Variants in SRGAP3 observed in about 807,000 individuals in gnomAD.
SRGAP3 encodes SLIT-ROBO Rho GTPase-activating protein 3.
A neutral mutation model predicts 121.1 loss-of-function variants in SRGAP3; 39 were observed. The ratio of observed to expected loss-of-function variants is 0.32; its 90% CI spans 0.25 to 0.42. SRGAP3 has a LOEUF of 0.42. Among genes scored for constraint, SRGAP3 ranks in the 10% least tolerant of loss-of-function variants. The pLI is 1.00. For synonymous variants in SRGAP3, 601 were observed against 570.0 expected (o/e 1.05, Z -0.77); for missense variants, 1,213 against 1,470.6 (o/e 0.82, Z 2.86).
At chr3:9,163,785 A>T (rs914633417) in intron 1 of SRGAP3, among the ~76,000 whole-genome samples, 4 of 152,072 alleles carry the variant, frequency 2.6e-5, no homozygotes, top group Non-Finnish European at 4.4e-5. Context: ...GGTGGGAAAC[A>T]TCCCTATAGG....
intron 1 of SRGAP3, among the ~76,000 whole-genome samples, chr3:9,334,805 A>G (rs1008834988): frequency 2.0e-5 from 3 of 152,216 alleles, no homozygotes; most frequent in Admixed American, 6.5e-5. Context: ...CTCTGCTACT[A>G]CGTGGCTCTA....
At chr3:9,074,310 A>G (rs564338181) in intron 4 of SRGAP3, among the ~76,000 whole-genome samples, 1 of 152,298 alleles carries the variant, frequency 6.6e-6, no homozygotes, top group South Asian at 2.1e-4. Context: ...GCACTGGGCT[A>G]TACTCTATGA....
intron 3 of SRGAP3, among the ~76,000 whole-genome samples, chr3:9,310,604 T>G (rs1485486950): frequency 2.6e-5 from 4 of 152,120 alleles, no homozygotes; most frequent in African/African-American, 4.8e-5. Flanking sequence ...TGATATAAGG[T>G]TACAAGGTCT....
In SRGAP3 at chr3:8,981,379, G is replaced by C. The variant is rs1327329179; in HGVS notation, c.*4140C>G. On this transcript the variant is annotated 3_prime_UTR_variant, in exon 22 of 22. Coordinates refer to ENST00000383836, the MANE Select transcript of SRGAP3 (RefSeq NM_014850.4). ...GCAGGGGCTAACCCCATGGTTGTGA[G>C]CCAGCCACTCTTCTTTCTGGGTTTC... 2 of 232,586 alleles carry C rather than the reference G, an allele frequency of 8.6e-6. No individual in the cohort carries two copies. Among genetic ancestry groups the C allele is most frequent in the East Asian group, 1.2e-4 (2 of 16,512 alleles). 14.4% of individuals were successfully genotyped at this position (232,586 alleles called of 1,614,324 possible). A position where few individuals can be genotyped will look rare whatever the true frequency, so the allele number is the denominator to read the frequency against.
At chr3:9,062,338 C>T (rs1480120330) in intron 5 of SRGAP3, among the ~76,000 whole-genome samples, 2 of 152,174 alleles carry the variant, frequency 1.3e-5, no homozygotes, top group Non-Finnish European at 2.9e-5. Flanking sequence ...CTCTGGACTT[C>T]CAGTCAGCAC....
In SRGAP3 at chr3:9,239,379, C is replaced by CA. The variant is rs964751433; in HGVS notation, c.67+9505dup. Among the ~76,000 whole-genome samples, 1 of 151,902 alleles carries CA rather than the reference C, an allele frequency of 6.6e-6. No individual in the cohort carries two copies. Among genetic ancestry groups the CA allele is most frequent in the Non-Finnish European group, 1.5e-5 (1 of 67,974 alleles). On this transcript the variant is annotated intron_variant, in intron 1 of 21. Transcript: ENST00000383836. The surrounding 1 kb of genome is among the most constrained non-coding windows in gnomAD (Gnocchi z 4.0). ...TGGGCAACAGAGCAAGACTCTGTCT[C>CA]AAAAAAACAAAAGATAGAGATGTGA...
At chr3:9,255,001 A>G (rs1954100194) in intron 3 of SRGAP3, among the ~76,000 whole-genome samples, 1 of 127,770 alleles carries the variant, frequency 7.8e-6, no homozygotes, top group Non-Finnish European at 1.7e-5. Flanking sequence ...AAGAAAGGGG[A>G]AGGAAGGAAG....
chr3:9,154,777 T>C (rs1950348080), intron 1 of SRGAP3, among the ~76,000 whole-genome samples: 1 of 152,000 alleles, frequency 6.6e-6, no homozygotes, highest in Admixed American at 6.6e-5. Context: ...TTCTGGATTA[T>C]CTTGAAAAAA....
intron 1 of SRGAP3, among the ~76,000 whole-genome samples, chr3:9,351,098 A>G (rs2030116160): frequency 6.6e-6 from 1 of 152,146 alleles, no homozygotes; most frequent in Admixed American, 6.5e-5. Flanking sequence ...AGAGCAGTCC[A>G]AGAGAGGAAA....
At chr3:9,250,567 G>A (rs994141225), upstream of SRGAP3, among the ~76,000 whole-genome samples, 4 of 152,140 alleles carry the variant, frequency 2.6e-5, no homozygotes, top group African/African-American at 4.8e-5. Flanking sequence ...AAGGAACATC[G>A]GGAATGAGAG....
At chr3:9,210,565 C>T (rs545095936) in intron 1 of SRGAP3, among the ~76,000 whole-genome samples, 1 of 152,184 alleles carries the variant, frequency 6.6e-6, no homozygotes, top group East Asian at 1.9e-4. Flanking sequence ...TGGCTGACAC[C>T]TATAATCCCA....
intron 2 of SRGAP3, among the ~76,000 whole-genome samples, chr3:9,122,974 G>A (rs1188635491): frequency 6.6e-6 from 1 of 152,102 alleles, no homozygotes; most frequent in Non-Finnish European, 1.5e-5. Context: ...ACAAAATGTG[G>A]TCTATCTGCA....
chr3:9,085,732 T>C (rs1268008039), intron 3 of SRGAP3, among the ~76,000 whole-genome samples: 2 of 152,182 alleles, frequency 1.3e-5, no homozygotes, highest in Non-Finnish European at 2.9e-5. Context: ...ATACCACATA[T>C]TCTTACTTAT....
intron 1 of SRGAP3, among the ~76,000 whole-genome samples, chr3:9,247,823 G>T (rs1370662729): frequency 6.6e-6 from 1 of 152,246 alleles, no homozygotes; most frequent in African/African-American, 2.4e-5. Flanking sequence ...CGGACGCCAA[G>T]AGGCACGAGC....
chr3:9,037,873 C>T, intron 11 of SRGAP3, 190 bp downstream of exon 11: 1 of 736,254 alleles, frequency 1.4e-6, no homozygotes, highest in East Asian at 2.7e-5. Context: ...AGGGGCGTGG[C>T]TTTGTCAGTC....
chr3:9,142,619 T>C (rs1393505003), intron 1 of SRGAP3, among the ~76,000 whole-genome samples: 1 of 152,214 alleles, frequency 6.6e-6, no homozygotes, highest in Non-Finnish European at 1.5e-5. Context: ...TAGTGGGTTC[T>C]TTCTGTTCCC....
intron 3 of SRGAP3, among the ~76,000 whole-genome samples, chr3:9,268,174 AC>A (rs1368497992): frequency 6.6e-6 from 1 of 151,978 alleles, no homozygotes; most frequent in Non-Finnish European, 1.5e-5. Flanking sequence ...TGAAGCCATA[AC>A]CCCCAATGTG....
At chr3:9,269,936 AG>A (rs1322929279) in intron 3 of SRGAP3, among the ~76,000 whole-genome samples, 1 of 152,074 alleles carries the variant, frequency 6.6e-6, no homozygotes, top group Non-Finnish European at 1.5e-5. Flanking sequence ...GAAGGGAGGG[AG>A]GGAGGAAATC....
chr3:9,017,312 AT>A (rs1175636549), intron 14 of SRGAP3, among the ~76,000 whole-genome samples: 3 of 152,060 alleles, frequency 2.0e-5, no homozygotes, highest in Non-Finnish European at 4.4e-5. Flanking sequence ...GTATTTGTAC[AT>A]TTTTTTCTTA....
Sources: gnomAD v4.1 joint callset for allele counts (sites outside exome capture counted in the v4.1 genomes callset) on GRCh38, gnomAD v4.1.1 for gene constraint, Gnocchi (gnomAD v3.1) non-coding constraint, MANE v1.5 for transcripts, NCBI Gene and HGNC (gene_info 2026-07-23, HGNC 2026-07-21) for gene names.